SLC35F1: variants seen among roughly 807,000 people sequenced by gnomAD.
The protein encoded by SLC35F1 is solute carrier family 35 member F1, also known as chromosome 6 open reading frame 169.
A neutral mutation model predicts 48.7 loss-of-function variants in SLC35F1; 14 were observed. The observed-to-expected ratio is 0.29, with a 90% CI of 0.19 to 0.45. The LOEUF (loss-of-function observed/expected upper bound fraction) is 0.45. Among genes scored for constraint, SLC35F1 ranks in the 20% least tolerant of loss-of-function variants. The probability of loss-of-function intolerance (pLI) is 1.00; values close to 1 mark genes in which losing one functional copy is unlikely to be tolerated. For missense variants in SLC35F1, 404 were observed against 500.0 expected, an observed-to-expected ratio of 0.81 and a Z score of 1.83; for synonymous variants, 190 against 202.2, an observed-to-expected ratio of 0.94 and a Z score of 0.51.
intron 2 of SLC35F1, among the ~76,000 whole-genome samples, chr6:118,200,799 C>G (rs1417491603): frequency 6.6e-6 from 1 of 152,144 alleles, no homozygotes; most frequent in Non-Finnish European, 1.5e-5. Flanking sequence ...ATTCAGCACC[C>G]AAGATGATAA....
chr6:118,077,978 C>A (rs576206276), intron 1 of SLC35F1, among the ~76,000 whole-genome samples: 1 of 152,084 alleles, frequency 6.6e-6, no homozygotes, highest in Non-Finnish European at 1.5e-5. Flanking sequence ...TTAAGTTCTA[C>A]CTTTTGGGAT....
intron 6 of SLC35F1, among the ~76,000 whole-genome samples, chr6:118,279,411 C>T (rs990274576): frequency 9.2e-5 from 14 of 152,166 alleles, no homozygotes; most frequent in Admixed American, 2.0e-4. Flanking sequence ...CTCATTATCT[C>T]GCCCTGACCT....
intron 1 of SLC35F1, among the ~76,000 whole-genome samples, chr6:117,964,326 A>G (rs1291393094): frequency 6.6e-6 from 1 of 152,182 alleles, no homozygotes. Flanking sequence ...GCTTTGACTT[A>G]TTAAACATTT....
chr6:117,989,002 A>G (rs1050983853), intron 1 of SLC35F1, among the ~76,000 whole-genome samples: 3 of 152,232 alleles, frequency 2.0e-5, no homozygotes, highest in Non-Finnish European at 4.4e-5. Context: ...CATATTTTGA[A>G]GCAGTTGTTA....
intron 2 of SLC35F1, among the ~76,000 whole-genome samples, chr6:118,191,492 C>T (rs914923755): frequency 3.9e-5 from 6 of 152,126 alleles, no homozygotes; most frequent in Non-Finnish European, 8.8e-5. Flanking sequence ...GTTAGCTTTA[C>T]CTTAAGCATT....
At chr6:118,144,873 GC>G (rs1773949087) in intron 1 of SLC35F1, among the ~76,000 whole-genome samples, 1 of 151,914 alleles carries the variant, frequency 6.6e-6, no homozygotes, top group Non-Finnish European at 1.5e-5. Context: ...TCAAACAGCT[GC>G]ATAATTTTAT....
chr6:118,002,236 T>G lies in SLC35F1; in HGVS notation c.173+94337T>G, dbSNP rs202217169. ...ACATTGATAGACTGGATTAAGAAAATGTGGCACATATACACCATGGAATAC... is the reference window on the plus strand; with the variant it reads ...ACATTGATAGACTGGATTAAGAAAAGGTGGCACATATACACCATGGAATAC... On this transcript the variant is annotated intron_variant, in intron 1 of 7. Coordinates refer to ENST00000360388, the MANE Select transcript of SLC35F1 (RefSeq NM_001029858.4). Among the ~76,000 whole-genome samples, 164 of 151,902 alleles carry G rather than the reference T, an allele frequency of 1.1e-3. 2 individuals are homozygous for G. In the East Asian group the frequency reaches 0.027, roughly 25 times the overall value.
intron 1 of SLC35F1, among the ~76,000 whole-genome samples, chr6:117,925,729 G>A (rs1346033540): frequency 6.6e-6 from 1 of 152,098 alleles, no homozygotes; most frequent in Non-Finnish European, 1.5e-5. Flanking sequence ...GCTCGAGTGT[G>A]TGATGTGCAG....
rs1438930189 is a variant in SLC35F1 at position 118,181,954 on chromosome 6, A to T, written c.349+27334A>T. Among the ~76,000 whole-genome samples the T allele has an allele frequency of 2.0e-5, 3 of 152,178 alleles. No homozygotes were observed. In the East Asian group the frequency reaches 5.8e-4, roughly 29 times the overall value. On this transcript the variant is annotated intron_variant, in intron 2 of 7. Coordinates refer to ENST00000360388, the MANE Select transcript of SLC35F1 (RefSeq NM_001029858.4). ...GTAAAAACTGTCCTAGCAAAGTGGG[A>T]GATTTTGAAAGTGACTTTCAATAAT...
chr6:117,995,978 C>CA (rs1776982578), intron 1 of SLC35F1, among the ~76,000 whole-genome samples: 4 of 152,058 alleles, frequency 2.6e-5, no homozygotes, highest in Admixed American at 2.6e-4. Flanking sequence ...AAAATTACAG[C>CA]AGAGGGGAAG....
intron 7 of SLC35F1, among the ~76,000 whole-genome samples, chr6:118,307,452 C>A (rs1582781497): frequency 6.7e-6 from 1 of 149,054 alleles, no homozygotes; most frequent in African/African-American, 2.5e-5. Context: ...TTTTTCCTAA[C>A]AGAAAAGGAA....
chr6:118,048,651 T>C (rs1467046129), intron 1 of SLC35F1, among the ~76,000 whole-genome samples: 1 of 152,104 alleles, frequency 6.6e-6, no homozygotes, highest in Non-Finnish European at 1.5e-5. Context: ...GAATCCAACT[T>C]ACAAGGGATG....
chr6:118,309,169 A>ATGTCTGTG (rs965744544), intron 7 of SLC35F1, among the ~76,000 whole-genome samples: 1 of 148,104 alleles, frequency 6.8e-6, no homozygotes, highest in South Asian at 2.2e-4. Flanking sequence ...GGGCCTGTAG[A>ATGTCTGTG]TGTGTGTGTG....
intron 1 of SLC35F1, among the ~76,000 whole-genome samples, chr6:118,099,362 A>G (rs1773224195): frequency 6.6e-6 from 1 of 152,214 alleles, no homozygotes; most frequent in Non-Finnish European, 1.5e-5. Context: ...GAAAACTACT[A>G]CAAAGCAAGG....
At chr6:118,249,862 GC>G (rs112296715) in intron 3 of SLC35F1, among the ~76,000 whole-genome samples, 2,170 of 152,236 alleles carry the variant, frequency 0.014, 58 homozygotes, top group African/African-American at 0.049. Flanking sequence ...TAAGTAGGGG[GC>G]TCTGTGAGTA....
At chr6:117,916,773 G>A (rs1258954235) in intron 1 of SLC35F1, among the ~76,000 whole-genome samples, 3 of 152,202 alleles carry the variant, frequency 2.0e-5, no homozygotes, top group African/African-American at 7.2e-5. Context: ...ACAGGAAGGT[G>A]GGTCAGGGTT....
At chr6:117,993,345 A>T (rs1480118951) in intron 1 of SLC35F1, among the ~76,000 whole-genome samples, 1 of 152,130 alleles carries the variant, frequency 6.6e-6, no homozygotes, top group Non-Finnish European at 1.5e-5. Context: ...ATAAATTTGA[A>T]TTTTTTGAAA....
At chr6:117,991,111 A>G (rs1238958989) in intron 1 of SLC35F1, among the ~76,000 whole-genome samples, 2 of 152,240 alleles carry the variant, frequency 1.3e-5, no homozygotes, top group Admixed American at 1.3e-4. Flanking sequence ...GGACCAGATC[A>G]AGATATTCAA....
intron 2 of SLC35F1, among the ~76,000 whole-genome samples, chr6:118,181,177 T>G (rs2114510184): frequency 6.6e-6 from 1 of 152,226 alleles, no homozygotes; most frequent in African/African-American, 2.4e-5. Flanking sequence ...GGAACTAAAC[T>G]GAAGAAGGAA....
Sources: gnomAD v4.1 joint callset for allele counts (sites outside exome capture counted in the v4.1 genomes callset) on GRCh38, gnomAD v4.1.1 for gene constraint, MANE v1.5 for transcripts, NCBI Gene and HGNC (gene_info 2026-07-23, HGNC 2026-07-21) for gene names.